GREB1L: variants seen among roughly 807,000 people sequenced by gnomAD.
GREB1L encodes the protein GREB1 like retinoic acid receptor coactivator.
GREB1L carries 17 observed loss-of-function variants against 200.8 expected under a neutral mutation model. The ratio of observed to expected loss-of-function variants is 0.08; its 90% CI spans 0.06 to 0.13. The LOEUF is 0.13. Ranked by LOEUF, GREB1L falls within the 10% of genes least tolerant of loss-of-function variation. GREB1L has a pLI of 1.00. For missense variants in GREB1L, 1,657 were observed against 2,367.7 expected (o/e 0.70, Z 6.23); for synonymous variants, 789 against 893.0 (o/e 0.88, Z 2.08).
At chr18:21,440,492 A>G in intron 9 of GREB1L, 104 bp downstream of exon 9, 1 of 1,110,418 alleles carries the variant, frequency 9.0e-7, no homozygotes, top group Non-Finnish European at 1.3e-6. Flanking sequence ...TTATATGAGG[A>G]TATTGATAGT....
chr18:21,499,354 T>TG (rs2036680305), intron 21 of GREB1L, among the ~76,000 whole-genome samples: 1 of 152,136 alleles, frequency 6.6e-6, no homozygotes, highest in East Asian at 1.9e-4. Context: ...TGTGCTGTGC[T>TG]GGGGGGTGGT....
intron 7 of GREB1L, among the ~76,000 whole-genome samples, chr18:21,416,794 G>C (rs1168827975): frequency 6.6e-6 from 1 of 151,996 alleles, no homozygotes; most frequent in Non-Finnish European, 1.5e-5. Context: ...GGGAGGCCGA[G>C]ATGGGCAGAT....
At chr18:21,312,831 T>C (rs2038813534) in intron 1 of GREB1L, among the ~76,000 whole-genome samples, 1 of 152,138 alleles carries the variant, frequency 6.6e-6, no homozygotes, top group Non-Finnish European at 1.5e-5. Context: ...GGATTACAGG[T>C]GTGAGCCACT....
At chr18:21,362,379 C>T (rs1233292450) in intron 1 of GREB1L, among the ~76,000 whole-genome samples, 4 of 151,656 alleles carry the variant, frequency 2.6e-5, no homozygotes, top group South Asian at 2.1e-4. Context: ...CATTAGTAAC[C>T]CCAAAGAAAA....
chr18:21,379,048 T>C (rs2040194955), intron 2 of GREB1L, among the ~76,000 whole-genome samples: 1 of 152,128 alleles, frequency 6.6e-6, no homozygotes, highest in East Asian at 1.9e-4. Context: ...TTTAATATTT[T>C]TATTCAGCAT....
Position 21,444,392 on chromosome 18 carries a change from A to T in GREB1L, c.1376A>T (p.Gln459Leu). The change falls in exon 11 of 33, where the codon CAG becomes CTG. Residue 459 changes from glutamine (Q) to leucine (L), a missense_variant. By Grantham distance (113) the Gln-to-Leu change is moderately radical. This residue lies in a region of GREB1L where 289 missense variants were observed against 345.1 expected (regional missense o/e 0.84). Transcript: ENST00000424526. ...SVENMILLTI[Q>L]YLVRLGPDQV... ...GAAAACATGATTCTTCTGACGATAC[A>T]GTATCTTGTGCGGCTGGGTAAGTCA... 1 of 1,552,250 alleles carries T rather than the reference A, an allele frequency of 6.4e-7. No homozygotes were observed. The highest frequency in any genetic ancestry group is 8.7e-7 in the Non-Finnish European group (1 of 1,147,042).
chr18:21,483,079 T>C (rs1276931331), intron 17 of GREB1L, among the ~76,000 whole-genome samples: 2 of 152,236 alleles, frequency 1.3e-5, no homozygotes, highest in Non-Finnish European at 2.9e-5. Context: ...GTAGCTCTAG[T>C]TCTCAAAACC....
At chr18:21,343,560 C>G (rs1185696529) in intron 1 of GREB1L, among the ~76,000 whole-genome samples, 2 of 152,040 alleles carry the variant, frequency 1.3e-5, no homozygotes, top group African/African-American at 4.8e-5. Context: ...CTCAGTTTTA[C>G]TAATGAGGAT....
chr18:21,272,752 A>G (rs1212168870), intron 1 of GREB1L, among the ~76,000 whole-genome samples: 1 of 152,234 alleles, frequency 6.6e-6, no homozygotes, highest in East Asian at 1.9e-4. Context: ...AAGACTATGT[A>G]CAGTTCATCT....
chr18:21,513,691 G>T, intron 27 of GREB1L, 130 bp from the exon 28 acceptor site: 1 of 759,574 alleles, frequency 1.3e-6, no homozygotes, highest in Non-Finnish European at 2.1e-6. Flanking sequence ...TGAACATTTG[G>T]TTGGCTCCCA....
chr18:21,243,427 C>G (rs1241360682), intron 1 of GREB1L, among the ~76,000 whole-genome samples: 1 of 152,222 alleles, frequency 6.6e-6, no homozygotes, highest in African/African-American at 2.4e-5. Context: ...CTCCTCTGGC[C>G]CCGGCTGAGA....
intron 5 of GREB1L, among the ~76,000 whole-genome samples, chr18:21,397,213 G>A (rs555850601): frequency 1.3e-5 from 2 of 151,518 alleles, no homozygotes; most frequent in South Asian, 2.1e-4. Context: ...GAACATTTTC[G>A]GCCTGGCACG....
chr18:21,370,456 G>A (rs1206712493), intron 2 of GREB1L, among the ~76,000 whole-genome samples: 1 of 152,164 alleles, frequency 6.6e-6, no homozygotes, highest in African/African-American at 2.4e-5. Context: ...AGTGTGTTTG[G>A]TTTATTTGTC....
At chr18:21,395,253 T>C in intron 4 of GREB1L, 132 bp from the exon 5 acceptor site, 1 of 646,806 alleles carries the variant, frequency 1.5e-6, no homozygotes, top group Non-Finnish European at 2.6e-6. Context: ...GGTTGGAGTA[T>C]AGGGGTATAG....
chr18:21,304,385 G>T (rs1333372899), intron 1 of GREB1L, among the ~76,000 whole-genome samples: 1 of 152,060 alleles, frequency 6.6e-6, no homozygotes, highest in Admixed American at 6.6e-5. Context: ...TTTTATGATT[G>T]CTACTTCACA....
chr18:21,282,745 G>A (rs375250214), intron 1 of GREB1L, among the ~76,000 whole-genome samples: 24 of 152,064 alleles, frequency 1.6e-4, no homozygotes, highest in Non-Finnish European at 1.5e-4. Context: ...GACTATAGGC[G>A]CCTGCCACCA....
intron 17 of GREB1L, among the ~76,000 whole-genome samples, chr18:21,481,461 G>GTA (rs1276975357): frequency 5.6e-5 from 8 of 143,000 alleles, no homozygotes; most frequent in African/African-American, 2.1e-4. Flanking sequence ...GTGTGTGTGT[G>GTA]TGTGTGTGTG....
Position 21,495,797 on chromosome 18 carries a change from A to G in GREB1L, c.3146+12A>G. The G allele has an allele frequency of 1.4e-6, 2 of 1,379,976 alleles. No homozygotes were observed. Among genetic ancestry groups the G allele is most frequent in the Non-Finnish European group, 2.0e-6 (2 of 1,002,306 alleles). The allele number at this position is 1,379,976 out of a possible 1,614,324, so 85.5% of individuals were successfully genotyped here. A position where few individuals can be genotyped will look rare whatever the true frequency, so the allele number is the denominator to read the frequency against. On this transcript the variant is annotated intron_variant, in intron 20 of 32. Coordinates refer to ENST00000424526, the MANE Select transcript of GREB1L (RefSeq NM_001142966.3). ...GAAACCTTTCCCAGGTACAGTTTCA[A>G]TAATTAATTCCATTTTTCATCAGTT...
intron 1 of GREB1L, among the ~76,000 whole-genome samples, chr18:21,321,836 A>G (rs1008874336): frequency 7.9e-5 from 12 of 152,230 alleles, no homozygotes; most frequent in African/African-American, 2.4e-4. Context: ...TAAATTTAAC[A>G]TTTGTTCTTG....
Sources: allele counts gnomAD v4.1 joint callset (sites outside exome capture counted in the v4.1 genomes callset), GRCh38; gene constraint gnomAD v4.1.1; regional missense constraint gnomAD v4.1.1; transcripts MANE v1.5; gene names NCBI Gene and HGNC (gene_info 2026-07-23, HGNC 2026-07-21).